The following MTCH1 variants were observed in gnomAD, a reference collection of about 807,000 sequenced individuals.
The protein encoded by MTCH1 is mitochondrial carrier 1.
Under a neutral mutation model 49.3 loss-of-function variants are expected in MTCH1, and 23 were observed. That is an observed-to-expected ratio of 0.47 (90% confidence interval 0.34 to 0.66). The LOEUF (loss-of-function observed/expected upper bound fraction) is 0.66. MTCH1 is among the 30% of genes least tolerant of loss of function. The pLI, the probability that MTCH1 is intolerant of heterozygous loss-of-function variation, is 0.01. For missense variants in MTCH1, 397 were observed against 532.1 expected (o/e 0.75, Z 2.50); for synonymous variants, 229 against 215.2 (o/e 1.06, Z -0.56).
Position 36,977,962 on chromosome 6 carries a change from C to T in MTCH1, c.591+116G>A, listed in dbSNP as rs1763951190. Reference sequence around the variant, plus strand: ...AGGGCTTCTTCCCTTACCATCCCACCCATGCATACACAAGGACCCAACTCT... The same window carrying T: ...AGGGCTTCTTCCCTTACCATCCCACTCATGCATACACAAGGACCCAACTCT... On this transcript the variant is annotated intron_variant, in intron 4 of 11. Coordinates refer to ENST00000373627, the MANE Select transcript of MTCH1 (RefSeq NM_001271641.2). The surrounding 1 kb of genome is among the most constrained non-coding windows in gnomAD (Gnocchi z 5.4). 3.1e-6 allele frequency: 3 copies of T among 956,042 alleles called. No homozygotes were observed. Among genetic ancestry groups the T allele is most frequent in the South Asian group, 2.8e-5 (2 of 70,552 alleles). 59.2% of individuals were successfully genotyped at this position (956,042 alleles called of 1,614,324 possible). A position where few individuals can be genotyped will look rare whatever the true frequency, so the allele number is the denominator to read the frequency against.
intron 6 of MTCH1, among the ~76,000 whole-genome samples, chr6:36,976,793 G>A (rs1763895623): frequency 6.6e-6 from 1 of 152,204 alleles, no homozygotes; most frequent in South Asian, 2.1e-4. Context: ...AGCCCATGGG[G>A]TGGATGGCTT....
Position 36,985,895 on chromosome 6 carries a change from C to T in MTCH1, c.279G>A (p.Thr93=), listed in dbSNP as rs759644195. ...CGTAGAGCAGGGGATGGCTGAGCGC[C>T]GTCACGCCCGCGCCCAGTGCCACGA... ...ALFVALGAGV[T]ALSHPLLYVK... The change falls in exon 1 of 12, where the codon ACG becomes ACA. Residue 93 remains threonine, a synonymous_variant. Transcript: ENST00000373627. 2 of 1,559,026 alleles carry T rather than the reference C, an allele frequency of 1.3e-6. No individual in the cohort carries two copies. The highest frequency in any genetic ancestry group is 1.7e-6 in the Non-Finnish European group (2 of 1,151,474).
Position 36,977,580 on chromosome 6 carries a change from C to T in MTCH1, c.649+54G>A. 1.5e-6 allele frequency: 2 copies of T among 1,325,980 alleles called. No homozygotes were observed. The highest frequency in any genetic ancestry group is 1.1e-6 in the Non-Finnish European group (1 of 938,876). The allele number at this position is 1,325,980 out of a possible 1,614,324, so 82.1% of individuals were successfully genotyped here. On this transcript the variant is annotated intron_variant, in intron 5 of 11. Coordinates refer to ENST00000373627, the MANE Select transcript of MTCH1 (RefSeq NM_001271641.2). This position sits in a 1 kb window ranked among gnomAD's most constrained non-coding sequence, Gnocchi z 5.4. ...AGTCCACGAGGGGGCGCCCCTCACC[C>T]CACGCCCCCGACGCCAGCTTAGATA... is the stretch of plus-strand genomic sequence containing the variant.
In MTCH1 at chr6:36,972,818, G is replaced by A. The variant is rs535009803; in HGVS notation, c.762-22C>T. On this transcript the variant is annotated intron_variant, in intron 7 of 11. Coordinates refer to ENST00000373627, the MANE Select transcript of MTCH1 (RefSeq NM_001271641.2). This position sits in a 1 kb window ranked among gnomAD's most constrained non-coding sequence, Gnocchi z 4.1. ...TCCACTAAAAAACAAGGTAAGCAGA[G>A]ATGAGCAGGAGAGGGAGAGGAGCAG... The A allele has an allele frequency of 2.6e-6, 4 of 1,538,514 alleles. No homozygotes were observed. The highest frequency in any genetic ancestry group is 3.5e-6 in the Non-Finnish European group (4 of 1,136,594).
intron 2 of MTCH1, among the ~76,000 whole-genome samples, chr6:36,981,275 C>G (rs1561910935): frequency 2.6e-5 from 4 of 152,182 alleles, no homozygotes. Flanking sequence ...CCAGGCACAA[C>G]CCGGGGCAGC....
chr6:36,974,312 C>T lies in MTCH1; in HGVS notation c.761+1346G>A, dbSNP rs550706774. On this transcript the variant is annotated intron_variant, in intron 7 of 11. Coordinates refer to ENST00000373627, the MANE Select transcript of MTCH1 (RefSeq NM_001271641.2). ...AACTCCTGGGCTCAAGCCATCCTCC[C>T]ACCTCAGCCTCCCGGGTAGCTAGGA... Among the ~76,000 whole-genome samples, 253 of 152,234 alleles carry T rather than the reference C, an allele frequency of 1.7e-3. 1 individual carries two copies. Among genetic ancestry groups the T allele is most frequent in the African/African-American group, 5.9e-3 (245 of 41,510 alleles).
At chr6:36,970,236 A>C in intron 10 of MTCH1, 122 bp from the exon 11 acceptor site, 1 of 1,415,926 alleles carries the variant, frequency 7.1e-7, no homozygotes, top group Admixed American at 1.9e-5. Context: ...CTGACACCAC[A>C]GTTTACCCCA....
rs1261265334 is a variant in MTCH1 at position 36,986,105 on chromosome 6, T to C, written c.69A>G (p.Gly23=). 2 of 1,438,932 alleles carry C rather than the reference T, an allele frequency of 1.4e-6. No homozygotes were observed. Among genetic ancestry groups the C allele is most frequent in the African/African-American group, 1.5e-5 (1 of 66,374 alleles). The allele number at this position is 1,438,932 out of a possible 1,614,324, so 89.1% of individuals were successfully genotyped here. ...CTCCGCCGCGAGCTCCGGCTCCAGCTCCGGCTCCCGCCATCCCCGCGGCAC... is the reference window on the plus strand; with the variant it reads ...CTCCGCCGCGAGCTCCGGCTCCAGCCCCGGCTCCCGCCATCCCCGCGGCAC... The part of the protein sequence containing the change: ...RGGAAGMAGA[G]AGAGARGGAA... The change falls in exon 1 of 12, where the codon GGA becomes GGG. Residue 23 remains glycine (G), a synonymous_variant. Coordinates refer to ENST00000373627, the MANE Select transcript of MTCH1 (RefSeq NM_001271641.2).
chr6:36,975,448 A>C (rs781489390), intron 7 of MTCH1, among the ~76,000 whole-genome samples: 25 of 152,232 alleles, frequency 1.6e-4, no homozygotes, highest in Non-Finnish European at 5.9e-5. Context: ...TACTAGACAC[A>C]CAGTTCCACT....
rs1184379216 is a variant in MTCH1, at chr6:36,970,431, C to T, written c.997G>A (p.Asp333Asn). Reference sequence around the variant, plus strand: ...CCGCAGTTGTTCACAGCCATGAGGTCGCCAACTAGCAGGAAGGGGTAGGTC... The same window carrying T: ...CCGCAGTTGTTCACAGCCATGAGGTTGCCAACTAGCAGGAAGGGGTAGGTC... ...MLTYPFLLVG[D>N]LMAVNNCGLQ... Residue 333 changes from aspartate to asparagine, a missense_variant, in exon 10 of 12, where the codon GAC (aspartate) becomes AAC (asparagine). Transcript: ENST00000373627. 4.3e-6 allele frequency: 7 copies of T among 1,614,128 alleles called. No individual in the cohort carries two copies. The highest frequency in any genetic ancestry group is 2.2e-5 in the East Asian group (1 of 44,884).
upstream of MTCH1, among the ~76,000 whole-genome samples, chr6:36,986,511 C>G (rs1309214500): frequency 6.6e-6 from 1 of 152,142 alleles, no homozygotes; most frequent in Non-Finnish European, 1.5e-5. Flanking sequence ...TGGTCTGAGG[C>G]GCTTCCAAGC....
intron 9 of MTCH1, 60 bp from the exon 10 acceptor site, chr6:36,970,533 A>G (rs1763646723): frequency 1.9e-6 from 3 of 1,608,058 alleles, no homozygotes; most frequent in African/African-American, 1.3e-5. Context: ...GCAGGGACAC[A>G]CCACGCCAAC....
chr6:36,984,315 TCTAC>T (rs898963262), intron 1 of MTCH1, among the ~76,000 whole-genome samples: 3 of 152,166 alleles, frequency 2.0e-5, no homozygotes, highest in Non-Finnish European at 4.4e-5. Flanking sequence ...GCCAGTCTGG[TCTAC>T]ACCTTCCGCC....
chr6:36,977,196 C>G lies in MTCH1; in HGVS notation c.701+3G>C. 6.2e-7 allele frequency: 1 copy of G among 1,613,954 alleles called. No homozygotes were observed. The highest frequency in any genetic ancestry group is 8.5e-7 in the Non-Finnish European group (1 of 1,179,948). On this transcript the variant is annotated splice_donor_region_variant and intron_variant, in intron 6 of 11. Coordinates refer to ENST00000373627, the MANE Select transcript of MTCH1 (RefSeq NM_001271641.2). The surrounding 1 kb of genome is among the most constrained non-coding windows in gnomAD (Gnocchi z 5.4). ...CACTCTGCCAGTCCCAAGAGTTACC[C>G]ACCTGTACTTGGCCTCCCGTCCCAC...
intron 7 of MTCH1, among the ~76,000 whole-genome samples, chr6:36,975,447 C>T (rs1763839711): frequency 6.6e-6 from 1 of 152,246 alleles, no homozygotes; most frequent in Non-Finnish European, 1.5e-5. Flanking sequence ...GTACTAGACA[C>T]ACAGTTCCAC....
chr6:36,982,070 C>G lies in MTCH1; in HGVS notation c.322-398G>C, dbSNP rs1032774232. 6.6e-6 allele frequency among the ~76,000 whole-genome samples: 1 copy of G among 152,200 alleles called. No individual in the cohort carries two copies. The highest frequency in any genetic ancestry group is 1.5e-5 in the Non-Finnish European group (1 of 68,036). ...GAAAAACTTCATTCCAACCTCAATT[C>G]CAAATGTGGCAATAAGAAAATACAT... On this transcript the variant is annotated intron_variant, in intron 1 of 11. Coordinates refer to ENST00000373627, the MANE Select transcript of MTCH1 (RefSeq NM_001271641.2). The surrounding 1 kb of genome is among the most constrained non-coding windows in gnomAD (Gnocchi z 4.1).
At chr6:36,985,681 C>T (rs1412657799) in intron 1 of MTCH1, among the ~76,000 whole-genome samples, 172 bp downstream of exon 1, 1 of 152,082 alleles carries the variant, frequency 6.6e-6, no homozygotes, top group Non-Finnish European at 1.5e-5. Context: ...CCCTGCGTTC[C>T]CAACTCCCTC....
At position 36,982,947 on chromosome 6, in the gene MTCH1, C is replaced by G. The variant is rs1012004477; in HGVS notation, c.322-1275G>C. On this transcript the variant is annotated intron_variant, in intron 1 of 11. Coordinates refer to ENST00000373627, the MANE Select transcript of MTCH1 (RefSeq NM_001271641.2). This position sits in a 1 kb window ranked among gnomAD's most constrained non-coding sequence, Gnocchi z 4.1. ...TCTGACATGTGGGAGAGGATTTGGC[C>G]TGCAGCTGTGGGAGGCAGTAGAAGT... 7.9e-5 allele frequency among the ~76,000 whole-genome samples: 12 copies of G among 152,228 alleles called. No individual in the cohort carries two copies. The highest frequency in any genetic ancestry group is 1.8e-4 in the Non-Finnish European group (12 of 68,026).
chr6:36,983,835 C>T (rs543433936), intron 1 of MTCH1, among the ~76,000 whole-genome samples: 1 of 152,180 alleles, frequency 6.6e-6, no homozygotes, highest in Non-Finnish European at 1.5e-5. Context: ...AGTTATTACT[C>T]TGATTCCCAA....
Sources: gnomAD v4.1 joint callset for allele counts (sites outside exome capture counted in the v4.1 genomes callset) on GRCh38, gnomAD v4.1.1 for gene constraint, Gnocchi (gnomAD v3.1) non-coding constraint, MANE v1.5 for transcripts, NCBI Gene and HGNC (gene_info 2026-07-23, HGNC 2026-07-21) for gene names.